The following GLI3 variants were observed in gnomAD, a reference collection of about 807,000 sequenced individuals.
GLI3 encodes transcription activator GLI3.
GLI3 carries 20 observed loss-of-function variants against 100.8 expected under a neutral mutation model. The ratio of observed to expected loss-of-function variants is 0.20; its 90% CI spans 0.14 to 0.29. The LOEUF is 0.29. Among genes scored for constraint, GLI3 ranks in the 10% least tolerant of loss-of-function variants. The pLI is 1.00. For missense variants in GLI3, 2,040 were observed against 2,128.5 expected (o/e 0.96, Z 0.82); for synonymous variants, 938 against 860.5 (o/e 1.09, Z -1.58).
chr7:41,969,183 G>C (rs1787303557), intron 13 of GLI3, among the ~76,000 whole-genome samples: 1 of 152,194 alleles, frequency 6.6e-6, no homozygotes, highest in South Asian at 2.1e-4. Flanking sequence ...GTTCAGAGAA[G>C]TTTAGTGACT....
At chr7:41,969,437 A>G (rs1441903625) in intron 13 of GLI3, among the ~76,000 whole-genome samples, 1 of 152,184 alleles carries the variant, frequency 6.6e-6, no homozygotes, top group Admixed American at 6.5e-5. Flanking sequence ...CTATCATGGT[A>G]CATACACCCA....
chr7:42,130,918 A>G (rs1040629354), intron 3 of GLI3, among the ~76,000 whole-genome samples: 3 of 152,230 alleles, frequency 2.0e-5, no homozygotes, highest in African/African-American at 4.8e-5. Context: ...TACAAATCAA[A>G]GAGACATCAG....
chr7:42,247,439 A>T (rs1032042312), intron 1 of GLI3, among the ~76,000 whole-genome samples: 2 of 152,156 alleles, frequency 1.3e-5, no homozygotes, highest in African/African-American at 4.8e-5. Flanking sequence ...GTCATTGTCT[A>T]GTGTATTGAG....
intron 2 of GLI3, among the ~76,000 whole-genome samples, chr7:42,166,603 A>G (rs1787246243): frequency 6.7e-6 from 1 of 148,242 alleles, no homozygotes; most frequent in African/African-American, 2.5e-5. Flanking sequence ...AGAAGGGGGC[A>G]GAGGGAAGTC....
intron 6 of GLI3, among the ~76,000 whole-genome samples, chr7:42,042,101 C>T (rs1421190322): frequency 6.8e-6 from 1 of 148,112 alleles, no homozygotes; most frequent in East Asian, 2.0e-4. Flanking sequence ...GCAACTCTGT[C>T]TCCCGAGTTC....
At chr7:42,181,847 C>G (rs1787600478) in intron 2 of GLI3, among the ~76,000 whole-genome samples, 1 of 152,138 alleles carries the variant, frequency 6.6e-6, no homozygotes, top group Non-Finnish European at 1.5e-5. Context: ...TAACATCAAG[C>G]ACTAACTAGC....
chr7:42,023,383 G>A (rs2128730698), intron 10 of GLI3, 85 bp downstream of exon 10: 1 of 1,414,638 alleles, frequency 7.1e-7, no homozygotes, highest in Middle Eastern at 2.1e-4. Flanking sequence ...TAAGAAACTT[G>A]ACTCAGCTCA....
At chr7:42,183,356 G>A (rs935221844) in intron 2 of GLI3, among the ~76,000 whole-genome samples, 4 of 152,190 alleles carry the variant, frequency 2.6e-5, no homozygotes, top group Admixed American at 2.0e-4. Flanking sequence ...AGGACAGGTG[G>A]CAACAGGCTA....
chr7:41,971,226 A>G (rs1297030518), intron 13 of GLI3, among the ~76,000 whole-genome samples: 1 of 152,224 alleles, frequency 6.6e-6, no homozygotes, highest in African/African-American at 2.4e-5. Context: ...TCCATCCGAT[A>G]GACTGCTCTA....
intron 3 of GLI3, 71 bp downstream of exon 3, chr7:42,148,135 GCACACACACACACACACACA>G (rs34148485): frequency 1.7e-5 from 15 of 867,470 alleles, no homozygotes; most frequent in East Asian, 8.3e-5. Flanking sequence ...CATAAAGCGC[GCACACACACACACACACACA>G]CACACACACA....
At chr7:42,010,871 GT>G (rs1788593521) in intron 10 of GLI3, among the ~76,000 whole-genome samples, 1 of 152,132 alleles carries the variant, frequency 6.6e-6, no homozygotes, top group Admixed American at 6.5e-5. Context: ...CTTGTAGTTG[GT>G]TAGGTCATTT....
intron 4 of GLI3, among the ~76,000 whole-genome samples, chr7:42,074,771 C>T (rs67639710): frequency 0.082 from 12,453 of 152,280 alleles, 1,051 homozygotes; most frequent in African/African-American, 0.22. Context: ...ATGATATTCC[C>T]TCTCAGAATC....
intron 2 of GLI3, among the ~76,000 whole-genome samples, chr7:42,217,974 C>T (rs1350441722): frequency 2.0e-5 from 3 of 152,098 alleles, no homozygotes; most frequent in African/African-American, 4.8e-5. Context: ...TATTGTCTTC[C>T]GAAACTGATG....
intron 3 of GLI3, among the ~76,000 whole-genome samples, chr7:42,116,675 A>G (rs1401116801): frequency 6.6e-6 from 1 of 152,200 alleles, no homozygotes; most frequent in Non-Finnish European, 1.5e-5. Flanking sequence ...AGCATTCTCC[A>G]AATCAAATTA....
At chr7:41,993,560 C>T (rs1181940510) in intron 10 of GLI3, among the ~76,000 whole-genome samples, 1 of 152,146 alleles carries the variant, frequency 6.6e-6, no homozygotes, top group Non-Finnish European at 1.5e-5. Context: ...TCTGCTCCGC[C>T]CACCAGAATG....
chr7:41,968,741 A>AAAG (rs1491513714), intron 13 of GLI3, among the ~76,000 whole-genome samples: 41 of 127,954 alleles, frequency 3.2e-4, no homozygotes, highest in African/African-American at 1.6e-3. Context: ...AGAAAGAAAG[A>AAAG]AAGAAAGAAA....
intron 9 of GLI3, among the ~76,000 whole-genome samples, chr7:42,024,358 T>C (rs767534756): frequency 1.2e-4 from 19 of 152,228 alleles, no homozygotes; most frequent in Admixed American, 2.6e-4. Flanking sequence ...AAAAGCCATA[T>C]GCAGGCATTG....
At chr7:42,092,881 T>C (rs891962932) in intron 3 of GLI3, among the ~76,000 whole-genome samples, 1 of 151,824 alleles carries the variant, frequency 6.6e-6, no homozygotes, top group African/African-American at 2.4e-5. Flanking sequence ...TGGTGCGATC[T>C]CAGCTCACTG....
chr7:42,104,954 T>C (rs1407040132), intron 3 of GLI3, among the ~76,000 whole-genome samples: 3 of 152,234 alleles, frequency 2.0e-5, no homozygotes, highest in African/African-American at 4.8e-5. Flanking sequence ...CTACTGTTTA[T>C]AGGCCACTCC....
Sources: gnomAD v4.1 joint callset for allele counts (sites outside exome capture counted in the v4.1 genomes callset) on GRCh38, gnomAD v4.1.1 for gene constraint, MANE v1.5 for transcripts, NCBI Gene and HGNC (gene_info 2026-07-23, HGNC 2026-07-21) for gene names.